The following CSMD1 variants were observed in gnomAD, a reference collection of about 807,000 sequenced individuals.
The protein encoded by CSMD1 is CUB and Sushi multiple domains 1.
CSMD1 carries 213 observed loss-of-function variants against 417.5 expected under a neutral mutation model. That is an observed-to-expected ratio of 0.51 (90% CI 0.46 to 0.57). The LOEUF (loss-of-function observed/expected upper bound fraction) is 0.57, where lower values mean the gene tolerates loss of function less well. Among genes scored for constraint, CSMD1 ranks in the 20% least tolerant of loss-of-function variants. The pLI, the probability that CSMD1 is intolerant of heterozygous loss-of-function variation, is 0.00. For synonymous variants in CSMD1, 2,862 were observed against 1,736.8 expected (o/e 1.65, Z -16.11); for missense variants, 6,923 against 4,529.7 (o/e 1.53, Z -15.17).
chr8:4,404,685 G>A (rs960806622), intron 3 of CSMD1, among the ~76,000 whole-genome samples: 3 of 151,670 alleles, frequency 2.0e-5, no homozygotes, highest in Non-Finnish European at 4.4e-5. Context: ...TTAAACTTAT[G>A]TTTATAATAT....
intron 2 of CSMD1, among the ~76,000 whole-genome samples, chr8:4,461,889 C>T (rs532343806): frequency 7.4e-4 from 113 of 151,786 alleles, no homozygotes; most frequent in African/African-American, 2.4e-3. Context: ...TACAGGAGCC[C>T]GCCACCACGC....
At chr8:4,478,491 A>C (rs345154) in intron 2 of CSMD1, among the ~76,000 whole-genome samples, 8 of 152,106 alleles carry the variant, frequency 5.3e-5, no homozygotes, top group African/African-American at 1.4e-4. Flanking sequence ...TTTCCCCCCC[A>C]AAAAAACTGA....
At chr8:3,709,560 C>G (rs765621849) in intron 6 of CSMD1, among the ~76,000 whole-genome samples, 2 of 151,968 alleles carry the variant, frequency 1.3e-5, no homozygotes, top group Non-Finnish European at 2.9e-5. Context: ...GAAGATGGCT[C>G]TCCCCAGTGT....
chr8:3,908,647 A>G (rs1246711436), intron 5 of CSMD1, among the ~76,000 whole-genome samples: 1 of 152,160 alleles, frequency 6.6e-6, no homozygotes, highest in Non-Finnish European at 1.5e-5. Flanking sequence ...TATTTTTTGT[A>G]ATTGCTCTGC....
intron 3 of CSMD1, among the ~76,000 whole-genome samples, chr8:4,129,914 T>G (rs182934401): frequency 5.9e-5 from 9 of 152,324 alleles, no homozygotes; most frequent in African/African-American, 2.2e-4. Context: ...ACTTCTCAGG[T>G]AATTTTAACA....
intron 2 of CSMD1, among the ~76,000 whole-genome samples, chr8:4,504,443 C>T (rs1403989514): frequency 6.6e-6 from 1 of 152,164 alleles, no homozygotes; most frequent in Non-Finnish European, 1.5e-5. Context: ...TGTACACTTA[C>T]AAGTTTGTTA....
chr8:3,036,280 A>G (rs1371525843), intron 50 of CSMD1, among the ~76,000 whole-genome samples: 2 of 152,204 alleles, frequency 1.3e-5, no homozygotes, highest in Non-Finnish European at 2.9e-5. Context: ...TACCATAAAT[A>G]AAGCCCTTTG....
intron 5 of CSMD1, among the ~76,000 whole-genome samples, chr8:3,969,604 T>G (rs1339098343): frequency 1.3e-5 from 2 of 152,174 alleles, no homozygotes; most frequent in African/African-American, 4.8e-5. Flanking sequence ...CATCGTAACT[T>G]GACATAAAAT....
chr8:3,661,919 A>G (rs1023016617), intron 7 of CSMD1, among the ~76,000 whole-genome samples: 3 of 152,222 alleles, frequency 2.0e-5, no homozygotes, highest in Admixed American at 2.0e-4. Context: ...GCAAATTTAT[A>G]GCAAAGAGGA....
chr8:4,838,210 T>C (rs1800616113), intron 1 of CSMD1, among the ~76,000 whole-genome samples: 1 of 152,244 alleles, frequency 6.6e-6, no homozygotes, highest in Non-Finnish European at 1.5e-5. Flanking sequence ...TTCAATCCTT[T>C]GAGATCTCCT....
chr8:4,117,631 A>G (rs9314514), intron 3 of CSMD1, among the ~76,000 whole-genome samples: 2 of 152,212 alleles, frequency 1.3e-5, no homozygotes, highest in African/African-American at 4.8e-5. Context: ...AGGTGTGTTA[A>G]AACGCTGAAG....
At chr8:3,840,997 G>A (rs1207508877) in intron 5 of CSMD1, among the ~76,000 whole-genome samples, 2 of 152,016 alleles carry the variant, frequency 1.3e-5, no homozygotes, top group South Asian at 2.1e-4. Context: ...ATGAACCACT[G>A]CAGCTGTCCG....
chr8:3,004,704 C>G (rs774531846), intron 52 of CSMD1, among the ~76,000 whole-genome samples: 1 of 152,192 alleles, frequency 6.6e-6, no homozygotes, highest in Non-Finnish European at 1.5e-5. Context: ...TTTCTCCATG[C>G]TGAGAACAGG....
At chr8:3,296,957 T>A (rs79928944) in intron 25 of CSMD1, among the ~76,000 whole-genome samples, 1 of 152,252 alleles carries the variant, frequency 6.6e-6, no homozygotes, top group Non-Finnish European at 1.5e-5. Context: ...AATAAACATG[T>A]ATGTCTTCAA....
At chr8:3,352,909 AAAAAACAC>A (rs1236479129) in intron 21 of CSMD1, among the ~76,000 whole-genome samples, 1 of 152,096 alleles carries the variant, frequency 6.6e-6, no homozygotes, top group African/African-American at 2.4e-5. Flanking sequence ...ATAACAAAAC[AAAAAACAC>A]AAAAACACAT....
chr8:4,531,427 T>G (rs1317690775), intron 2 of CSMD1, among the ~76,000 whole-genome samples: 1 of 152,228 alleles, frequency 6.6e-6, no homozygotes, highest in Non-Finnish European at 1.5e-5. Flanking sequence ...CTCTATTGAT[T>G]GCTTTCGGTG....
chr8:4,253,408 A>T (rs927804553), intron 3 of CSMD1, among the ~76,000 whole-genome samples: 1 of 150,230 alleles, frequency 6.7e-6, no homozygotes, highest in African/African-American at 2.4e-5. Flanking sequence ...TCAAATTTAT[A>T]TATTTTTTTC....
At chr8:3,548,673 C>T (rs927268937) in intron 10 of CSMD1, among the ~76,000 whole-genome samples, 11 of 146,936 alleles carry the variant, frequency 7.5e-5, no homozygotes, top group Admixed American at 4.7e-4. Flanking sequence ...CACACACACA[C>T]ACACACACAC....
chr8:3,702,895 G>C (rs1191013327), intron 7 of CSMD1, among the ~76,000 whole-genome samples: 1 of 152,154 alleles, frequency 6.6e-6, no homozygotes, highest in Non-Finnish European at 1.5e-5. Context: ...TCTACTTTCA[G>C]AATAAAGAGC....
Sources: allele counts gnomAD v4.1 joint callset (sites outside exome capture counted in the v4.1 genomes callset), GRCh38; gene constraint gnomAD v4.1.1; transcripts MANE v1.5; gene names NCBI Gene and HGNC (gene_info 2026-07-23, HGNC 2026-07-21).